The following FBXW11 variants were observed in gnomAD, a reference collection of about 807,000 sequenced individuals.
The protein encoded by FBXW11 is F-box and WD repeat domain containing 11.
FBXW11 carries 19 observed loss-of-function variants against 77.6 expected under a neutral mutation model. That is an observed-to-expected ratio of 0.24 (90% CI 0.17 to 0.36). The LOEUF is 0.36. Among genes scored for constraint, FBXW11 ranks in the 10% least tolerant of loss-of-function variants. The pLI is 1.00. For synonymous variants in FBXW11, 235 were observed against 249.4 expected, an observed-to-expected ratio of 0.94 and a Z score of 0.54; for missense variants, 334 against 704.2, an observed-to-expected ratio of 0.47 and a Z score of 5.95.
chr5:171,982,396 TC>T (rs1765197548), intron 1 of FBXW11, among the ~76,000 whole-genome samples: 1 of 151,458 alleles, frequency 6.6e-6, no homozygotes. Context: ...CACTCAGCCT[TC>T]CACCAAGTAG....
chr5:171,967,448 G>A (rs75165518), intron 1 of FBXW11, among the ~76,000 whole-genome samples: 7 of 152,138 alleles, frequency 4.6e-5, no homozygotes, highest in Non-Finnish European at 8.8e-5. Context: ...TGCATAGAAA[G>A]AAAGTTACAA....
chr5:171,875,250 TAAAAAAAAAA>T (rs55689036), intron 9 of FBXW11, among the ~76,000 whole-genome samples: 7 of 148,106 alleles, frequency 4.7e-5, no homozygotes, highest in African/African-American at 1.8e-4. Flanking sequence ...TCTGTACTTT[TAAAAAAAAAA>T]AAAAAAAAAA....
intron 2 of FBXW11, among the ~76,000 whole-genome samples, chr5:171,946,971 C>T (rs973387416): frequency 4.6e-5 from 7 of 152,056 alleles, no homozygotes; most frequent in African/African-American, 1.4e-4. Flanking sequence ...CCTGCCACCA[C>T]GCCTGGCTAA....
intron 13 of FBXW11, among the ~76,000 whole-genome samples, chr5:171,865,282 T>C (rs1757316324): frequency 6.8e-6 from 1 of 147,612 alleles, no homozygotes; most frequent in Non-Finnish European, 1.5e-5. Flanking sequence ...TAAAGTATAA[T>C]TAAAAAAAAA....
At chr5:171,956,059 A>G (rs1056135861) in intron 2 of FBXW11, among the ~76,000 whole-genome samples, 2 of 152,186 alleles carry the variant, frequency 1.3e-5, no homozygotes, top group Admixed American at 6.5e-5. Context: ...AGACCTCACT[A>G]ACAACTACAA....
Position 171,869,327 on chromosome 5 carries a change from A to C in FBXW11, c.1530+402T>G, listed in dbSNP as rs933011679. Among the ~76,000 whole-genome samples the C allele has an allele frequency of 5.3e-5, 8 of 152,206 alleles. No individual in the cohort carries two copies. Among genetic ancestry groups the C allele is most frequent in the African/African-American group, 1.7e-4 (7 of 41,462 alleles). ...AATCTACCAATATTTCCAAATGACT[A>C]TCTCTTCAAAAATATAACAGTACTT... On this transcript the variant is annotated intron_variant, in intron 12 of 13. Transcript: ENST00000517395. This position sits in a 1 kb window ranked among gnomAD's most constrained non-coding sequence, Gnocchi z 4.1.
chr5:171,959,751 G>A (rs1763797615), intron 1 of FBXW11, among the ~76,000 whole-genome samples: 1 of 151,604 alleles, frequency 6.6e-6, no homozygotes, highest in African/African-American at 2.4e-5. Flanking sequence ...TTGGGAGGCT[G>A]AGACAGGAAA....
intron 7 of FBXW11, among the ~76,000 whole-genome samples, chr5:171,878,891 T>C (rs1410897384): frequency 1.3e-5 from 2 of 152,120 alleles, no homozygotes; most frequent in African/African-American, 2.4e-5. Flanking sequence ...TACAAATGCA[T>C]ACCCCTACGT....
chr5:171,958,678 C>T (rs1763742749), intron 1 of FBXW11, among the ~76,000 whole-genome samples: 2 of 152,190 alleles, frequency 1.3e-5, no homozygotes, highest in Admixed American at 6.5e-5. Context: ...ACGGCTACTA[C>T]TTAATAACCA....
chr5:171,993,260 T>G (rs911450419), intron 1 of FBXW11, among the ~76,000 whole-genome samples: 2 of 152,120 alleles, frequency 1.3e-5, no homozygotes, highest in African/African-American at 2.4e-5. Flanking sequence ...TCTCTCTGAC[T>G]TGTTTGAAAA....
At chr5:171,893,744 T>G (rs1759549864) in intron 6 of FBXW11, among the ~76,000 whole-genome samples, 1 of 152,154 alleles carries the variant, frequency 6.6e-6, no homozygotes, top group South Asian at 2.1e-4. Flanking sequence ...CCCACAGAGT[T>G]GCTACAGAAT....
chr5:171,945,717 C>A (rs1762974398), intron 2 of FBXW11, among the ~76,000 whole-genome samples: 1 of 152,212 alleles, frequency 6.6e-6, no homozygotes, highest in Admixed American at 6.5e-5. Flanking sequence ...CTTCCAACCA[C>A]ACCGAGGCTC....
intron 2 of FBXW11, among the ~76,000 whole-genome samples, chr5:171,939,423 C>G (rs79503167): frequency 6.6e-6 from 1 of 150,982 alleles, no homozygotes; most frequent in African/African-American, 2.4e-5. Flanking sequence ...AATCCCCAGG[C>G]GTGGTGGCTA....
At position 171,914,418 on chromosome 5, in the gene FBXW11, A is replaced by T; in HGVS notation, c.148-13T>A. ...TAACTGAAGTGTTCTAGGGGGGGAAAAACAGGTTATTTGAATTATACCAAG... is the reference window on the plus strand; with the variant it reads ...TAACTGAAGTGTTCTAGGGGGGGAATAACAGGTTATTTGAATTATACCAAG... On this transcript the variant is annotated splice_polypyrimidine_tract_variant and intron_variant, in intron 2 of 13. Transcript: ENST00000517395. The T allele has an allele frequency of 1.3e-6, 2 of 1,569,028 alleles. No individual in the cohort carries two copies. Among genetic ancestry groups the T allele is most frequent in the Non-Finnish European group, 1.7e-6 (2 of 1,165,416 alleles).
intron 7 of FBXW11, among the ~76,000 whole-genome samples, chr5:171,889,897 A>C (rs1759209927): frequency 6.6e-6 from 1 of 152,186 alleles, no homozygotes; most frequent in African/African-American, 2.4e-5. Context: ...TCTCAAAAAA[A>C]ATTTTTTTTA....
chr5:171,912,694 G>A (rs1273017912), intron 3 of FBXW11, among the ~76,000 whole-genome samples: 1 of 152,040 alleles, frequency 6.6e-6, no homozygotes, highest in Non-Finnish European at 1.5e-5. Context: ...ATCACTTAAG[G>A]TCAGGAGTTC....
rs78403843 is a variant in FBXW11, at chr5:171,878,317, T to C, written c.853-188A>G. Among the ~76,000 whole-genome samples the C allele has an allele frequency of 1.7e-4, 26 of 152,348 alleles. No homozygotes were observed. The East Asian group carries it at 2.1e-3, about 12-fold the overall frequency. On this transcript the variant is annotated intron_variant, in intron 7 of 13. Coordinates refer to ENST00000517395, the MANE Select transcript of FBXW11 (RefSeq NM_001378974.1). ...AGACAATAGTGATTAACTACTAGGA[T>C]AGATGTGCTATTTTGCTTAATTTGA... is the stretch of plus-strand genomic sequence containing the variant.
Position 171,864,393 on chromosome 5 carries a change from G to A in FBXW11, c.*26-292C>T, listed in dbSNP as rs527565781. 9.2e-5 allele frequency among the ~76,000 whole-genome samples: 14 copies of A among 152,244 alleles called. No homozygotes were observed. In the South Asian group the frequency reaches 2.7e-3, roughly 29 times the overall value. ...AAAGAGTCAACAAGTGACAGAGAGG[G>A]GATTCAAGGAGAGGGCTGACCCTAT... On this transcript the variant is annotated intron_variant, in intron 13 of 13. Coordinates refer to ENST00000517395, the MANE Select transcript of FBXW11 (RefSeq NM_001378974.1).
At chr5:171,982,251 A>ATTTATT (rs540116863) in intron 1 of FBXW11, among the ~76,000 whole-genome samples, 1 of 152,032 alleles carries the variant, frequency 6.6e-6, no homozygotes, top group African/African-American at 2.4e-5. Context: ...ATTTTATTTT[A>ATTTATT]TTTATTTTTA....
Sources: gnomAD v4.1 joint callset for allele counts (sites outside exome capture counted in the v4.1 genomes callset) on GRCh38, gnomAD v4.1.1 for gene constraint, Gnocchi (gnomAD v3.1) non-coding constraint, MANE v1.5 for transcripts, NCBI Gene and HGNC (gene_info 2026-07-23, HGNC 2026-07-21) for gene names.